The following CRYBB1 variants were observed in gnomAD, a reference collection of about 807,000 sequenced individuals.
The protein encoded by CRYBB1 is crystallin beta B1.
A neutral mutation model predicts 29.5 loss-of-function variants in CRYBB1; 16 were observed. That is an observed-to-expected ratio of 0.54 (90% CI 0.37 to 0.82). The LOEUF is 0.82. Among genes scored for constraint, CRYBB1 ranks in the 40% least tolerant of loss-of-function variants. CRYBB1 has a pLI of 0.00. For synonymous variants in CRYBB1, 127 were observed against 136.7 expected (o/e 0.93, Z 0.49); for missense variants, 300 against 350.5 (o/e 0.86, Z 1.15).
chr22:26,613,701 C>T (rs1265439735), intron 2 of CRYBB1, among the ~76,000 whole-genome samples: 2 of 152,078 alleles, frequency 1.3e-5, no homozygotes, highest in Non-Finnish European at 2.9e-5. Context: ...ACAAATTGTA[C>T]AGCATGTGTG....
intron 5 of CRYBB1, 60 bp downstream of exon 5, chr22:26,601,819 G>A (rs1928828323): frequency 1.2e-6 from 2 of 1,609,150 alleles, no homozygotes; most frequent in Non-Finnish European, 1.7e-6. Flanking sequence ...AAGGGGAGCA[G>A]CCTCTGATTC....
At chr22:26,602,147 G>T in intron 4 of CRYBB1, 126 bp from the exon 5 acceptor site, 2 of 1,189,126 alleles carry the variant, frequency 1.7e-6, no homozygotes, top group East Asian at 4.9e-5. Flanking sequence ...GGACTCTCCA[G>T]GGACCACTGC....
chr22:26,610,890 T>C (rs965309015), intron 3 of CRYBB1, among the ~76,000 whole-genome samples: 1 of 151,976 alleles, frequency 6.6e-6, no homozygotes, highest in African/African-American at 2.4e-5. Context: ...ACCTCAAAGC[T>C]CATCTCGGAA....
At position 26,616,192 on chromosome 22, in the gene CRYBB1, G is replaced by A; in HGVS notation, c.128C>T (p.Thr43Ile). The A allele has an allele frequency of 1.9e-6, 3 of 1,614,218 alleles. No individual in the cohort carries two copies. Among genetic ancestry groups the A allele is most frequent in the Non-Finnish European group, 2.5e-6 (3 of 1,180,022 alleles). ...CGCCTTGGCGCTGGTAATAGGCACGGTTGTTGGGGCCAGGGTAGTGCCGGG... is the reference window on the plus strand; with the variant it reads ...CGCCTTGGCGCTGGTAATAGGCACGATTGTTGGGGCCAGGGTAGTGCCGGG... ...PSPGTTLAPTTVPITSAKAAE... is the reference protein window; with the variant it reads ...PSPGTTLAPTIVPITSAKAAE... The change falls in exon 2 of 6, where the codon ACC becomes ATC. Residue 43 changes from threonine to isoleucine, a missense_variant. Transcript: ENST00000647684.
At chr22:26,617,286 C>A (rs1371441905) in intron 1 of CRYBB1, among the ~76,000 whole-genome samples, 1 of 152,116 alleles carries the variant, frequency 6.6e-6, no homozygotes, top group Non-Finnish European at 1.5e-5. Flanking sequence ...TGTCCCCGGA[C>A]AAAAATAATG....
chr22:26,617,361 C>T (rs1028357252), intron 1 of CRYBB1, among the ~76,000 whole-genome samples: 1 of 152,128 alleles, frequency 6.6e-6, no homozygotes, highest in East Asian at 1.9e-4. Flanking sequence ...AGATTAAGAC[C>T]CTCTGGTCAA....
At chr22:26,601,846 A>G in intron 5 of CRYBB1, 33 bp downstream of exon 5, 1 of 1,611,410 alleles carries the variant, frequency 6.2e-7, no homozygotes, top group Non-Finnish European at 8.5e-7. Flanking sequence ...TGCTTGAAGC[A>G]GGGGACGCGG....
chr22:26,604,719 T>C (rs1928921346), intron 4 of CRYBB1, among the ~76,000 whole-genome samples: 1 of 152,182 alleles, frequency 6.6e-6, no homozygotes, highest in African/African-American at 2.4e-5. Context: ...AAGTGCAAGG[T>C]GCCAGGCAGG....
At chr22:26,617,937 T>G (rs1475496487) in intron 1 of CRYBB1, 40 bp downstream of exon 1, 1 of 153,740 alleles carries the variant, frequency 6.5e-6, no homozygotes, top group Non-Finnish European at 1.5e-5. Flanking sequence ...TCTCTTCCCC[T>G]CCCCTTCAGC....
At chr22:26,612,821 CT>C (rs1263874000) in intron 2 of CRYBB1, among the ~76,000 whole-genome samples, 2 of 152,168 alleles carry the variant, frequency 1.3e-5, no homozygotes, top group African/African-American at 4.8e-5. Context: ...CGCATTCCAG[CT>C]CGTTATTCTG....
At chr22:26,600,603 G>T (rs951994246) in intron 5 of CRYBB1, among the ~76,000 whole-genome samples, 6 of 152,130 alleles carry the variant, frequency 3.9e-5, no homozygotes, top group African/African-American at 1.4e-4. Flanking sequence ...CCACCTCCTT[G>T]GTTTGTTATG....
rs1928951147 is a variant in CRYBB1 at position 26,605,614 on chromosome 22, C to T, written c.432+2275G>A. On this transcript the variant is annotated intron_variant, in intron 4 of 5. Coordinates refer to ENST00000647684, the MANE Select transcript of CRYBB1 (RefSeq NM_001887.4). ...GCTTGCCCCAGGGAGGTGAAGGTTGCAGTGAGCCAGAACGTGCCACTACAC... is the reference window on the plus strand; with the variant it reads ...GCTTGCCCCAGGGAGGTGAAGGTTGTAGTGAGCCAGAACGTGCCACTACAC... Among the ~76,000 whole-genome samples the T allele has an allele frequency of 2.2e-5, 3 of 136,638 alleles. No homozygotes were observed. The South Asian group carries it at 7.0e-4, about 32-fold the overall frequency. The allele number at this position is 136,638 out of a possible 152,430, so 89.6% of individuals were successfully genotyped here. A position where few individuals can be genotyped will look rare whatever the true frequency, so the allele number is the denominator to read the frequency against.
intron 3 of CRYBB1, among the ~76,000 whole-genome samples, chr22:26,609,359 G>GA (rs78890561): frequency 0.034 from 5,166 of 152,280 alleles, 151 homozygotes; most frequent in East Asian, 0.093. Context: ...GAGTAGAAGA[G>GA]AAATAAATGG....
intron 5 of CRYBB1, among the ~76,000 whole-genome samples, chr22:26,600,658 G>A (rs1343285118): frequency 6.6e-6 from 1 of 152,168 alleles, no homozygotes; most frequent in Non-Finnish European, 1.5e-5. Flanking sequence ...ACAGTCCTTG[G>A]TACATAGTAA....
Position 26,616,398 on chromosome 22 carries a change from C to T in CRYBB1, c.-19-60G>A. Reference sequence around the variant, plus strand: ...CCCAAACTGCCTCCTGCCCTCATAGCCCCACATCCTGTGCTTTCAGCCTCC... The same window carrying T: ...CCCAAACTGCCTCCTGCCCTCATAGTCCCACATCCTGTGCTTTCAGCCTCC... On this transcript the variant is annotated intron_variant, in intron 1 of 5. Coordinates refer to ENST00000647684, the MANE Select transcript of CRYBB1 (RefSeq NM_001887.4). 4 of 1,131,848 alleles carry T rather than the reference C, an allele frequency of 3.5e-6. No homozygotes were observed. In the South Asian group the frequency reaches 5.0e-5, roughly 14 times the overall value. 70.1% of individuals were successfully genotyped at this position (1,131,848 alleles called of 1,614,324 possible).
At chr22:26,599,745 C>G (rs1232450924) in intron 5 of CRYBB1, 72 bp from the exon 6 acceptor site, 8 of 1,190,468 alleles carry the variant, frequency 6.7e-6, no homozygotes, top group Non-Finnish European at 8.7e-6. Context: ...CCCTGCCAGA[C>G]CAGCCTGTCC....
At chr22:26,610,888 G>T (rs191159142) in intron 3 of CRYBB1, among the ~76,000 whole-genome samples, 41 of 152,290 alleles carry the variant, frequency 2.7e-4, no homozygotes, top group Middle Eastern at 3.4e-3. Flanking sequence ...TGACCTCAAA[G>T]CTCATCTCGG....
chr22:26,617,180 T>C (rs1602333786), intron 1 of CRYBB1, among the ~76,000 whole-genome samples: 1 of 152,162 alleles, frequency 6.6e-6, no homozygotes, highest in African/African-American at 2.4e-5. Flanking sequence ...TGGGGCTGGG[T>C]AGGCTTTGGG....
intron 3 of CRYBB1, among the ~76,000 whole-genome samples, chr22:26,610,956 CAA>C (rs1386075672): frequency 6.6e-6 from 1 of 152,146 alleles, no homozygotes; most frequent in Non-Finnish European, 1.5e-5. Flanking sequence ...GTGGGGGAGA[CAA>C]GAGCAAACGA....
Sources: allele counts gnomAD v4.1 joint callset (sites outside exome capture counted in the v4.1 genomes callset), GRCh38; gene constraint gnomAD v4.1.1; transcripts MANE v1.5; gene names NCBI Gene and HGNC (gene_info 2026-07-23, HGNC 2026-07-21).